SDK1: variants seen among roughly 807,000 people sequenced by gnomAD.
SDK1 encodes the protein protein sidekick-1.
SDK1 carries 157 observed loss-of-function variants against 245.5 expected under a neutral mutation model. The observed-to-expected ratio is 0.64, with a 90% CI of 0.56 to 0.73. The LOEUF is 0.73. Among genes scored for constraint, SDK1 ranks in the 30% least tolerant of loss-of-function variants. The probability of loss-of-function intolerance (pLI) is 0.00; values close to 1 mark genes in which losing one functional copy is unlikely to be tolerated. For synonymous variants in SDK1, 1,647 were observed against 1,278.5 expected, an observed-to-expected ratio of 1.29 and a Z score of -6.15; for missense variants, 3,583 against 3,002.3, an observed-to-expected ratio of 1.19 and a Z score of -4.52.
At chr7:3,684,987 G>T (rs1203304679) in intron 4 of SDK1, among the ~76,000 whole-genome samples, 9 of 152,082 alleles carry the variant, frequency 5.9e-5, no homozygotes, top group Admixed American at 5.2e-4. Context: ...GACCCAAAGG[G>T]ACCTGTGGGA....
At position 4,233,378 on chromosome 7, in the gene SDK1, C is replaced by T. The variant is rs751764333; in HGVS notation, c.5951C>T (p.Ala1984Val). 5.6e-6 allele frequency: 9 copies of T among 1,613,424 alleles called. No homozygotes were observed. The highest frequency in any genetic ancestry group is 1.7e-5 in the Admixed American group (1 of 60,004). ...YEFRVVAVNE[A>V]GYGEPSNPST... Reference sequence around the variant, plus strand: ...TTCCGGGTGGTGGCTGTGAATGAGGCGGGCTACGGGGAGCCCAGCAACCCC... The same window carrying T: ...TTCCGGGTGGTGGCTGTGAATGAGGTGGGCTACGGGGAGCCCAGCAACCCC... The change falls in exon 41 of 45, where the codon GCG becomes GTG. Residue 1984 changes from alanine to valine, a missense_variant. Physicochemically the swap from Ala to Val is moderately conservative, Grantham distance 64. Transcript: ENST00000404826.
chr7:3,526,443 T>G (rs1783135709), intron 1 of SDK1, among the ~76,000 whole-genome samples: 2 of 152,232 alleles, frequency 1.3e-5, no homozygotes, highest in South Asian at 2.1e-4. Flanking sequence ...GGTTTTAGAT[T>G]GGAATTGTGT....
At chr7:3,482,415 A>G (rs554735989) in intron 1 of SDK1, among the ~76,000 whole-genome samples, 12 of 152,298 alleles carry the variant, frequency 7.9e-5, no homozygotes, top group South Asian at 2.1e-4. Context: ...GAGATAGGCA[A>G]TAAAGCCCAT....
intron 13 of SDK1, among the ~76,000 whole-genome samples, chr7:3,979,484 A>G (rs140555441): frequency 4.6e-5 from 7 of 152,276 alleles, no homozygotes; most frequent in East Asian, 1.9e-4. Context: ...GACCAGTGCC[A>G]GGTATACAGT....
chr7:4,020,553 T>C (rs75634524), intron 17 of SDK1, among the ~76,000 whole-genome samples: 3,636 of 152,082 alleles, frequency 0.024, 143 homozygotes, highest in African/African-American at 0.083. Flanking sequence ...GAGGGGAAGA[T>C]GCAATGAATG....
chr7:4,174,076 G>T (rs935163156), intron 32 of SDK1, 146 bp from the exon 33 acceptor site: 2 of 806,676 alleles, frequency 2.5e-6, no homozygotes, highest in Non-Finnish European at 4.1e-6. Context: ...GCCTGGGTTC[G>T]TCTTGATGAA....
intron 17 of SDK1, 49 bp downstream of exon 17, chr7:4,017,401 T>A: frequency 6.5e-7 from 1 of 1,538,664 alleles, no homozygotes; most frequent in Non-Finnish European, 8.9e-7. Context: ...TGCCGGGGAA[T>A]GGGATTTGCA....
intron 1 of SDK1, among the ~76,000 whole-genome samples, chr7:3,455,722 C>T (rs1249887328): frequency 2.0e-5 from 3 of 152,100 alleles, no homozygotes; most frequent in Non-Finnish European, 4.4e-5. Context: ...TGATTCTTCT[C>T]ACTTTATTCT....
chr7:4,210,931 A>C (rs1375474127), intron 38 of SDK1, among the ~76,000 whole-genome samples: 1 of 152,216 alleles, frequency 6.6e-6, no homozygotes, highest in Non-Finnish European at 1.5e-5. Flanking sequence ...GCCCGGACAC[A>C]CAAGAATCCT....
intron 43 of SDK1, 146 bp from the exon 44 acceptor site, chr7:4,245,530 T>G (rs572983774): frequency 1.3e-5 from 11 of 839,626 alleles, no homozygotes; most frequent in South Asian, 1.8e-5. Context: ...TGCTCAGAAT[T>G]TTTTGCATCA....
intron 4 of SDK1, among the ~76,000 whole-genome samples, chr7:3,666,115 A>C (rs1783524627): frequency 6.6e-6 from 1 of 151,834 alleles, no homozygotes; most frequent in Non-Finnish European, 1.5e-5. Flanking sequence ...TCACCTCCTA[A>C]TCCAGTTAAC....
chr7:3,831,776 C>T (rs909037120), intron 5 of SDK1, among the ~76,000 whole-genome samples: 3 of 152,028 alleles, frequency 2.0e-5, no homozygotes, highest in Admixed American at 6.6e-5. Context: ...ATTAATCACC[C>T]GGGCATGTTG....
chr7:3,933,123 C>CTTT (rs11364780), intron 5 of SDK1, among the ~76,000 whole-genome samples: 1,795 of 83,280 alleles, frequency 0.022, 204 homozygotes, highest in African/African-American at 0.092. Context: ...GCTCCTGGAT[C>CTTT]TTTTTTTTTT....
intron 1 of SDK1, among the ~76,000 whole-genome samples, chr7:3,347,086 C>T (rs1007689828): frequency 6.6e-5 from 10 of 151,626 alleles, no homozygotes; most frequent in Admixed American, 2.0e-4. Flanking sequence ...TTTGCATCTT[C>T]GTGCTTCTGT....
At chr7:4,004,381 A>C (rs540746462) in intron 14 of SDK1, among the ~76,000 whole-genome samples, 1 of 152,322 alleles carries the variant, frequency 6.6e-6, no homozygotes, top group African/African-American at 2.4e-5. Context: ...ATTTGCACCT[A>C]ATTTTTCCAC....
intron 1 of SDK1, among the ~76,000 whole-genome samples, chr7:3,580,480 A>G (rs985669562): frequency 3.3e-5 from 5 of 152,198 alleles, no homozygotes; most frequent in Non-Finnish European, 7.3e-5. Context: ...GTACCCACAG[A>G]TAAGGCCATC....
chr7:3,361,344 C>G (rs923238329), intron 1 of SDK1, among the ~76,000 whole-genome samples: 4 of 152,200 alleles, frequency 2.6e-5, no homozygotes, highest in African/African-American at 9.7e-5. Flanking sequence ...GCATTTCTAT[C>G]ATAGGACCTC....
intron 1 of SDK1, among the ~76,000 whole-genome samples, chr7:3,426,066 C>T (rs975065701): frequency 2.0e-5 from 3 of 152,200 alleles, no homozygotes; most frequent in Admixed American, 1.3e-4. Context: ...ATGGCGTGTT[C>T]TTTATCTTCC....
intron 1 of SDK1, among the ~76,000 whole-genome samples, chr7:3,531,690 C>A (rs550979447): frequency 2.8e-4 from 42 of 152,196 alleles, no homozygotes; most frequent in Admixed American, 7.2e-4. Flanking sequence ...CTATTTTTGT[C>A]GCCTCACCTA....
Sources: allele counts gnomAD v4.1 joint callset (sites outside exome capture counted in the v4.1 genomes callset), GRCh38; gene constraint gnomAD v4.1.1; transcripts MANE v1.5; gene names NCBI Gene and HGNC (gene_info 2026-07-23, HGNC 2026-07-21).